The following TRAK2 variants were observed in gnomAD, a reference collection of about 807,000 sequenced individuals.
TRAK2 encodes trafficking kinesin protein 2.
In TRAK2, 81 loss-of-function variants were observed where a neutral mutation model predicts 104.6. That is an observed-to-expected ratio of 0.77 (90% CI 0.65 to 0.93). The LOEUF (loss-of-function observed/expected upper bound fraction) is 0.93. Ranked by LOEUF, TRAK2 falls within the 40% of genes least tolerant of loss-of-function variation. TRAK2 has a pLI of 0.00. For synonymous variants in TRAK2, 406 were observed against 394.4 expected (o/e 1.03, Z -0.35); for missense variants, 1,002 against 1,089.0 (o/e 0.92, Z 1.12).
chr2:201,412,285 T>C, intron 2 of TRAK2: 1 of 1,224,480 alleles, frequency 8.2e-7, no homozygotes, highest in Non-Finnish European at 1.2e-6. Context: ...ATTATCTCTT[T>C]GGAATAAGGT....
At chr2:201,392,373 T>C (rs949857661) in intron 10 of TRAK2, among the ~76,000 whole-genome samples, 15 of 152,162 alleles carry the variant, frequency 9.9e-5, no homozygotes, top group Admixed American at 7.9e-4. Flanking sequence ...AGTTTAAGAA[T>C]CAGATTGTTA....
At chr2:201,383,037 A>C (rs576109011) in intron 15 of TRAK2, among the ~76,000 whole-genome samples, 1 of 152,226 alleles carries the variant, frequency 6.6e-6, no homozygotes, top group Non-Finnish European at 1.5e-5. Flanking sequence ...CAGGCAACAA[A>C]CACATCAGTA....
chr2:201,450,318 G>A lies in TRAK2; in HGVS notation c.-200+1032C>T, dbSNP rs189903249. Among the ~76,000 whole-genome samples, 60 of 152,090 alleles carry A rather than the reference G, an allele frequency of 3.9e-4. No individual in the cohort carries two copies. The East Asian group carries it at 0.011, about 28-fold the overall frequency. The stretch of plus-strand genomic sequence containing the variant: ...TAGTCCCAGCTACTCTGCAGGCTGA[G>A]GCAGGAGAATCGCTTGAATCCGGGA... On this transcript the variant is annotated intron_variant, in intron 1 of 15. Coordinates refer to ENST00000332624, the MANE Select transcript of TRAK2 (RefSeq NM_015049.3).
At chr2:201,386,563 T>C (rs1951393111) in intron 13 of TRAK2, 79 bp from the exon 14 acceptor site, 24 of 1,522,972 alleles carry the variant, frequency 1.6e-5, no homozygotes, top group Non-Finnish European at 2.1e-5. Flanking sequence ...TAAAATTATA[T>C]GTGTAATAAC....
At chr2:201,427,118 C>T (rs16837542) in intron 1 of TRAK2, among the ~76,000 whole-genome samples, 4,988 of 152,152 alleles carry the variant, frequency 0.033, 426 homozygotes, top group East Asian at 0.25. Context: ...CACTCAAATG[C>T]GCACTCCTGT....
chr2:201,434,083 G>A (rs1276354691), intron 1 of TRAK2, among the ~76,000 whole-genome samples: 4 of 151,918 alleles, frequency 2.6e-5, no homozygotes, highest in Non-Finnish European at 4.4e-5. Flanking sequence ...TCAGCCTCCT[G>A]AGTAGCTGGG....
chr2:201,423,037 CCACACACACACACACACACA>C (rs142826543), intron 1 of TRAK2, among the ~76,000 whole-genome samples: 5 of 134,226 alleles, frequency 3.7e-5, no homozygotes, highest in Non-Finnish European at 6.4e-5. Flanking sequence ...AACACCACCA[CCACACACACACACACACACA>C]CACACACACA....
rs193223781 is a variant in TRAK2 at position 201,395,691 on chromosome 2, C to A, written c.770-247G>T. Among the ~76,000 whole-genome samples, 19 of 152,186 alleles carry A rather than the reference C, an allele frequency of 1.2e-4. No individual in the cohort carries two copies. The Middle Eastern group carries it at 0.017, about 136-fold the overall frequency. On this transcript the variant is annotated intron_variant, in intron 7 of 15. Transcript: ENST00000332624. ...AAGAGAGACGACTTATAAAGGCAAG[C>A]AGGCTAAAGGTTTTGCTTCAATCGT... is the stretch of plus-strand genomic sequence containing the variant.
At chr2:201,397,980 C>A in intron 6 of TRAK2, 165 bp downstream of exon 6, 1 of 645,372 alleles carries the variant, frequency 1.5e-6, no homozygotes, top group Non-Finnish European at 2.7e-6. Flanking sequence ...TCAGTGGGAT[C>A]TAAGAACAGT....
intron 15 of TRAK2, 102 bp from the exon 16 acceptor site, chr2:201,381,320 A>G: frequency 9.1e-7 from 1 of 1,098,706 alleles, no homozygotes; most frequent in Non-Finnish European, 1.3e-6. Flanking sequence ...TGGTAAATAT[A>G]AAGTAACAGG....
chr2:201,442,689 T>C (rs1951935393), intron 1 of TRAK2, among the ~76,000 whole-genome samples: 1 of 152,202 alleles, frequency 6.6e-6, no homozygotes, highest in Non-Finnish European at 1.5e-5. Flanking sequence ...TCTGACCCTC[T>C]ATCTGTTCTC....
chr2:201,403,024 G>A (rs945690622), intron 3 of TRAK2, among the ~76,000 whole-genome samples: 2 of 151,010 alleles, frequency 1.3e-5, no homozygotes, highest in African/African-American at 4.9e-5. Flanking sequence ...ACTGACCAGA[G>A]TTAAAGATGA....
At chr2:201,408,855 T>C (rs1480456104) in intron 2 of TRAK2, among the ~76,000 whole-genome samples, 1 of 152,228 alleles carries the variant, frequency 6.6e-6, no homozygotes, top group African/African-American at 2.4e-5. Flanking sequence ...CATTTTAGTA[T>C]ATTCTCAAAG....
chr2:201,382,354 T>C (rs1264599536), intron 15 of TRAK2, among the ~76,000 whole-genome samples: 1 of 152,196 alleles, frequency 6.6e-6, no homozygotes. Context: ...ATATCAAAAA[T>C]TTTAAAGATT....
In TRAK2 at chr2:201,384,213, G is replaced by A. The variant is rs1951368565; in HGVS notation, c.1967C>T (p.Ala656Val). 6.2e-6 allele frequency: 10 copies of A among 1,611,340 alleles called. No homozygotes were observed. Among genetic ancestry groups the A allele is most frequent in the Non-Finnish European group, 8.5e-6 (10 of 1,178,776 alleles). The change falls in exon 15 of 16, where the codon GCA (alanine) becomes GTA (valine). Residue 656 changes from alanine (A) to valine (V), a missense_variant. Physicochemically the swap from Ala to Val is moderately conservative, Grantham distance 64. Coordinates refer to ENST00000332624, the MANE Select transcript of TRAK2 (RefSeq NM_015049.3). ...CAGGCACTTTCCTGGGTTGGCGGTT[G>A]CAACTGAAATAGATTTTTAGGGAGC... ...ITSAGGPVTV[A>V]TANPGKCLSC...
intron 6 of TRAK2, 79 bp downstream of exon 6, chr2:201,398,066 A>G (rs980278036): frequency 3.0e-6 from 4 of 1,327,170 alleles, no homozygotes; most frequent in African/African-American, 1.5e-5. Context: ...TACTTATGCC[A>G]TATTTCACCT....
rs1419654424 is a variant in TRAK2, at chr2:201,451,398, C to T, written c.-248G>A. The T allele has an allele frequency of 6.6e-6, 1 of 152,208 alleles. No individual in the cohort carries two copies. Among genetic ancestry groups the T allele is most frequent in the East Asian group, 1.9e-4 (1 of 5,174 alleles). 9.4% of individuals were successfully genotyped at this position (152,208 alleles called of 1,614,324 possible). A position where few individuals can be genotyped will look rare whatever the true frequency, so the allele number is the denominator to read the frequency against. On this transcript the variant is annotated 5_prime_UTR_variant, in exon 1 of 16. Coordinates refer to ENST00000332624, the MANE Select transcript of TRAK2 (RefSeq NM_015049.3). ...CGTCCGCCCGCGCTTCCTCAGGAAG[C>T]CCCTAATGCAGCGGCAGCCTGAAAG...
At chr2:201,410,499 G>T in intron 2 of TRAK2, 1 of 834,246 alleles carries the variant, frequency 1.2e-6, no homozygotes, top group Non-Finnish European at 1.9e-6. Flanking sequence ...ATGTAAATCA[G>T]CTCACCCATG....
intron 2 of TRAK2, chr2:201,411,929 TG>T: frequency 9.8e-7 from 1 of 1,015,232 alleles, no homozygotes; most frequent in Non-Finnish European, 1.6e-6. Flanking sequence ...ACAGAGCTCC[TG>T]GTATTGAATG....
Sources: allele counts gnomAD v4.1 joint callset (sites outside exome capture counted in the v4.1 genomes callset), GRCh38; gene constraint gnomAD v4.1.1; transcripts MANE v1.5; gene names NCBI Gene and HGNC (gene_info 2026-07-23, HGNC 2026-07-21).